Variants in TASP1 observed in about 807,000 individuals in gnomAD.
TASP1 encodes the protein threonine aspartase 1.
TASP1 carries 16 observed loss-of-function variants against 56.6 expected under a neutral mutation model. That is an observed-to-expected ratio of 0.28 (90% CI 0.19 to 0.43). TASP1 has a LOEUF of 0.43. TASP1 is among the 20% of genes least tolerant of loss of function. TASP1 has a pLI of 1.00. For synonymous variants in TASP1, 179 were observed against 184.2 expected (o/e 0.97, Z 0.23); for missense variants, 393 against 511.6 (o/e 0.77, Z 2.24).
chr20:13,147,525 C>A, the TASP1 span, among the ~76,000 whole-genome samples: 1 of 152,146 alleles, frequency 6.6e-6, no homozygotes, highest in Non-Finnish European at 1.5e-5. Flanking sequence ...TGCCCCCTTG[C>A]CAAGCCAGGG....
chr20:13,145,871 CA>C, the TASP1 span, among the ~76,000 whole-genome samples: 1 of 152,082 alleles, frequency 6.6e-6, no homozygotes, highest in South Asian at 2.1e-4. Flanking sequence ...ACAAACTTGA[CA>C]AAAACAAGTA....
chr20:13,450,172 A>T (rs1052325917), intron 11 of TASP1, among the ~76,000 whole-genome samples: 1 of 152,126 alleles, frequency 6.6e-6, no homozygotes, highest in Non-Finnish European at 1.5e-5. Flanking sequence ...TTAATTTAAA[A>T]GTACTTTTAT....
chr20:13,199,075 T>G, the TASP1 span, among the ~76,000 whole-genome samples: 1 of 148,934 alleles, frequency 6.7e-6, no homozygotes, highest in Non-Finnish European at 1.5e-5. Flanking sequence ...CTGGCTAAAT[T>G]TTTTTTTTTT....
chr20:13,357,824 GCAA>G, the TASP1 span, among the ~76,000 whole-genome samples: 1 of 152,102 alleles, frequency 6.6e-6, no homozygotes, highest in African/African-American at 2.4e-5. Context: ...ACTACTACAT[GCAA>G]CAACATGGAT....
chr20:13,240,706 A>G, the TASP1 span, among the ~76,000 whole-genome samples: 1 of 152,206 alleles, frequency 6.6e-6, no homozygotes, highest in East Asian at 1.9e-4. Context: ...GAACATAGAT[A>G]TGTTAGAAAA....
intron 4 of TASP1, among the ~76,000 whole-genome samples, chr20:13,589,957 C>T (rs2047459470): frequency 6.6e-6 from 1 of 152,066 alleles, no homozygotes; most frequent in Admixed American, 6.6e-5. Context: ...TGTGGCCAGC[C>T]ATGGTGGCTC....
At chr20:13,200,981 G>A in the TASP1 span, among the ~76,000 whole-genome samples, 1 of 152,208 alleles carries the variant, frequency 6.6e-6, no homozygotes, top group East Asian at 1.9e-4. Context: ...TAGAAGCTAA[G>A]TGGCTTCACT....
intron 11 of TASP1, among the ~76,000 whole-genome samples, chr20:13,467,250 G>A (rs767850962): frequency 6.7e-6 from 1 of 149,876 alleles, no homozygotes; most frequent in Non-Finnish European, 1.5e-5. Flanking sequence ...TAAGGCACTC[G>A]CAAGTAACTG....
At chr20:13,582,931 G>T (rs1413368210) in intron 5 of TASP1, among the ~76,000 whole-genome samples, 1 of 152,216 alleles carries the variant, frequency 6.6e-6, no homozygotes, top group African/African-American at 2.4e-5. Context: ...TAGGAGGAAA[G>T]TGTTGTCTTG....
intron 8 of TASP1, among the ~76,000 whole-genome samples, chr20:13,557,178 T>C (rs1165390700): frequency 6.6e-6 from 1 of 152,150 alleles, no homozygotes; most frequent in Non-Finnish European, 1.5e-5. Context: ...GCTTTATTCG[T>C]AATAGTAAAA....
At chr20:13,400,491 T>C (rs2041696353) in intron 13 of TASP1, among the ~76,000 whole-genome samples, 1 of 152,200 alleles carries the variant, frequency 6.6e-6, no homozygotes, top group South Asian at 2.1e-4. Flanking sequence ...TAAAATAACA[T>C]TAATTTTCTA....
At chr20:13,173,201 A>T in the TASP1 span, among the ~76,000 whole-genome samples, 2 of 152,368 alleles carry the variant, frequency 1.3e-5, no homozygotes, top group South Asian at 4.1e-4. Flanking sequence ...GGGAGCATCC[A>T]GAGATCTATA....
intron 6 of TASP1, among the ~76,000 whole-genome samples, chr20:13,575,281 A>G (rs2046860411): frequency 6.6e-6 from 1 of 152,216 alleles, no homozygotes; most frequent in African/African-American, 2.4e-5. Flanking sequence ...TAAAGTTCTC[A>G]GCACACTAAG....
At chr20:13,415,937 T>C (rs2042239758) in intron 13 of TASP1, among the ~76,000 whole-genome samples, 1 of 152,188 alleles carries the variant, frequency 6.6e-6, no homozygotes, top group Non-Finnish European at 1.5e-5. Flanking sequence ...CAAGGATTCT[T>C]GGGGTTTATC....
At chr20:13,221,866 C>T in the TASP1 span, 9 of 1,418,512 alleles carry the variant, frequency 6.3e-6, no homozygotes, top group Non-Finnish European at 8.2e-6. Flanking sequence ...CGGGAGCCGC[C>T]GACGGGCCCG....
chr20:13,191,639 A>C, the TASP1 span, among the ~76,000 whole-genome samples: 2 of 152,194 alleles, frequency 1.3e-5, no homozygotes, highest in Non-Finnish European at 2.9e-5. Context: ...ACAAAATTAC[A>C]GTTAGATGAG....
At chr20:13,451,250 G>T (rs2146292731) in intron 11 of TASP1, among the ~76,000 whole-genome samples, 1 of 152,136 alleles carries the variant, frequency 6.6e-6, no homozygotes, top group South Asian at 2.1e-4. Context: ...AGGATTTTTT[G>T]AATGATAAAT....
the TASP1 span, among the ~76,000 whole-genome samples, chr20:13,136,377 A>G: frequency 6.6e-6 from 1 of 152,062 alleles, no homozygotes; most frequent in Non-Finnish European, 1.5e-5. Flanking sequence ...CAGGTGGATC[A>G]CCCGAGCTCA....
At chr20:13,199,514 A>G in the TASP1 span, among the ~76,000 whole-genome samples, 25 of 152,276 alleles carry the variant, frequency 1.6e-4, no homozygotes, top group South Asian at 8.3e-4. Flanking sequence ...AAAGACATAC[A>G]TAAACCTGTT....
Sources: gnomAD v4.1 joint callset for allele counts (sites outside exome capture counted in the v4.1 genomes callset) on GRCh38, gnomAD v4.1.1 for gene constraint, MANE v1.5 for transcripts, NCBI Gene and HGNC (gene_info 2026-07-23, HGNC 2026-07-21) for gene names.